The following LRRIQ1 variants were observed in gnomAD, a reference collection of about 807,000 sequenced individuals.
LRRIQ1 encodes leucine rich repeats and IQ motif containing 1, also known as leucine-rich repeat- and IQ domain-containing protein 1.
Under a neutral mutation model 211.9 loss-of-function variants are expected in LRRIQ1, and 210 were observed. That is an observed-to-expected ratio of 0.99 (90% CI 0.89 to 1.11). LRRIQ1 has a LOEUF of 1.11. Among genes scored for constraint, LRRIQ1 ranks in the 50% most tolerant of loss-of-function variants. The pLI, the probability that LRRIQ1 is intolerant of heterozygous loss-of-function variation, is 0.00. For missense variants in LRRIQ1, 2,136 were observed against 1,939.5 expected (o/e 1.10, Z -1.90); for synonymous variants, 699 against 650.1 (o/e 1.08, Z -1.14).
chr12:85,087,680 T>C (rs1316393695), intron 11 of LRRIQ1, among the ~76,000 whole-genome samples: 1 of 152,242 alleles, frequency 6.6e-6, no homozygotes, highest in Non-Finnish European at 1.5e-5. Context: ...TGATGTGCAT[T>C]TCTCTGATGA....
chr12:85,256,577 C>G (rs1178698444), intron 1 of LRRIQ1, among the ~76,000 whole-genome samples: 2 of 151,468 alleles, frequency 1.3e-5, no homozygotes, highest in African/African-American at 4.8e-5. Flanking sequence ...TGAAAGTTTC[C>G]ATGAAAAATT....
chr12:85,221,888 A>G (rs1894418070), intron 24 of LRRIQ1, among the ~76,000 whole-genome samples: 1 of 152,214 alleles, frequency 6.6e-6, no homozygotes, highest in African/African-American at 2.4e-5. Context: ...CATTTGCAGT[A>G]TGGAGATATA....
At chr12:85,241,071 A>G (rs1427171861) in intron 26 of LRRIQ1, among the ~76,000 whole-genome samples, 1 of 152,086 alleles carries the variant, frequency 6.6e-6, no homozygotes, top group African/African-American at 2.4e-5. Context: ...AAGTCCTAAT[A>G]AGGTCAGTAG....
intron 24 of LRRIQ1, among the ~76,000 whole-genome samples, chr12:85,218,536 T>C (rs1483501723): frequency 1.3e-5 from 2 of 152,124 alleles, no homozygotes; most frequent in Non-Finnish European, 2.9e-5. Context: ...TACCCAACAT[T>C]ATACAGCTAG....
intron 24 of LRRIQ1, among the ~76,000 whole-genome samples, chr12:85,162,136 G>A (rs906901501): frequency 2.6e-5 from 4 of 152,128 alleles, no homozygotes; most frequent in South Asian, 4.1e-4. Context: ...ATGATAGTGT[G>A]TAAAGATTTC....
intron 24 of LRRIQ1, among the ~76,000 whole-genome samples, chr12:85,172,879 C>T (rs767824288): frequency 1.8e-4 from 28 of 151,732 alleles, no homozygotes; most frequent in Non-Finnish European, 3.4e-4. Context: ...GAAGCTGAGG[C>T]GGGTGGATCA....
At chr12:85,096,842 A>G (rs150415814) in intron 11 of LRRIQ1, among the ~76,000 whole-genome samples, 11 of 152,184 alleles carry the variant, frequency 7.2e-5, no homozygotes, top group African/African-American at 2.2e-4. Flanking sequence ...AGGAGCTCCA[A>G]TGTTGGATCT....
At chr12:85,043,312 T>A (rs941545346) in intron 3 of LRRIQ1, among the ~76,000 whole-genome samples, 1 of 151,998 alleles carries the variant, frequency 6.6e-6, no homozygotes, top group African/African-American at 2.4e-5. Flanking sequence ...TTGACTGGAT[T>A]ACAAAAAAAA....
chr12:85,226,614 T>C (rs1894667867), intron 24 of LRRIQ1, among the ~76,000 whole-genome samples: 1 of 151,100 alleles, frequency 6.6e-6, no homozygotes, highest in Non-Finnish European at 1.5e-5. Flanking sequence ...ATGTGCCATG[T>C]TGGTGTGCTG....
chr12:85,265,927 G>C (rs1896408206), downstream of LRRIQ1, among the ~76,000 whole-genome samples: 2 of 151,296 alleles, frequency 1.3e-5, no homozygotes, highest in Non-Finnish European at 3.0e-5. Flanking sequence ...AGGAGACACA[G>C]AGACTACACA....
chr12:85,078,643 C>T (rs539094577), intron 11 of LRRIQ1, among the ~76,000 whole-genome samples: 1 of 151,866 alleles, frequency 6.6e-6, no homozygotes, highest in African/African-American at 2.4e-5. Context: ...TTAAATTGAC[C>T]AGTTTCATCA....
At chr12:85,147,753 T>C (rs1422641172) in intron 19 of LRRIQ1, among the ~76,000 whole-genome samples, 4 of 151,544 alleles carry the variant, frequency 2.6e-5, no homozygotes, top group Non-Finnish European at 5.9e-5. Flanking sequence ...CTGAGGCACA[T>C]TTTTGAGTAT....
intron 24 of LRRIQ1, among the ~76,000 whole-genome samples, chr12:85,190,631 G>A (rs1892465378): frequency 6.6e-6 from 1 of 151,320 alleles, no homozygotes; most frequent in East Asian, 1.9e-4. Flanking sequence ...ATTCTGATGG[G>A]CGTTTCAGAC....
chr12:85,083,789 C>T (rs1884541183), intron 11 of LRRIQ1, among the ~76,000 whole-genome samples: 1 of 152,110 alleles, frequency 6.6e-6, no homozygotes, highest in Non-Finnish European at 1.5e-5. Context: ...AAAAATTATA[C>T]TGTAAAATGA....
exon 2 of LRRIQ1, chr12:85,263,263 G>T: frequency 5.8e-6 from 1 of 171,924 alleles, no homozygotes; most frequent in East Asian, 1.9e-4. Context: ...CTGTGTTCAT[G>T]TGGAATGGCC....
In LRRIQ1 at chr12:85,072,820, T is replaced by A. The variant is rs1592740537; in HGVS notation, c.2696-87T>A. ...TTAGGTTTTATTTTTTGCTCCAGGT[T>A]TAAATTTTTTTCTCATATAAGCTAT... On this transcript the variant is annotated intron_variant, in intron 10 of 26. Coordinates refer to ENST00000393217, the MANE Select transcript of LRRIQ1 (RefSeq NM_001079910.2). 7.2e-6 allele frequency: 6 copies of A among 837,652 alleles called. No homozygotes were observed. In the East Asian group the frequency reaches 1.8e-4, roughly 26 times the overall value. 51.9% of individuals were successfully genotyped at this position (837,652 alleles called of 1,614,324 possible).
At chr12:85,108,886 A>G (rs1886968664) in intron 15 of LRRIQ1, among the ~76,000 whole-genome samples, 1 of 152,120 alleles carries the variant, frequency 6.6e-6, no homozygotes, top group Non-Finnish European at 1.5e-5. Context: ...GTAGCAAAAT[A>G]TGTATTAGGA....
intron 6 of LRRIQ1, among the ~76,000 whole-genome samples, chr12:85,050,944 C>T (rs1397266515): frequency 6.6e-6 from 1 of 152,186 alleles, no homozygotes; most frequent in East Asian, 1.9e-4. Context: ...GAAGGTCCTA[C>T]TCATTCTCAC....
intron 24 of LRRIQ1, among the ~76,000 whole-genome samples, chr12:85,175,982 G>A (rs1491004020): frequency 3.9e-5 from 6 of 152,094 alleles, no homozygotes; most frequent in Admixed American, 2.0e-4. Flanking sequence ...TTGACTTGGC[G>A]GTGCGGGCTC....
Sources: gnomAD v4.1 joint callset for allele counts (sites outside exome capture counted in the v4.1 genomes callset) on GRCh38, gnomAD v4.1.1 for gene constraint, MANE v1.5 for transcripts, NCBI Gene and HGNC (gene_info 2026-07-23, HGNC 2026-07-21) for gene names.